The following CSMD1 variants were observed in gnomAD, a reference collection of about 807,000 sequenced individuals.
CSMD1 encodes the protein CUB and Sushi multiple domains 1, also known as CUB and sushi domain-containing protein 1.
In CSMD1, 213 loss-of-function variants were observed where a neutral mutation model predicts 417.5. The ratio of observed to expected loss-of-function variants is 0.51; its 90% CI spans 0.46 to 0.57. CSMD1 has a LOEUF of 0.57. Ranked by LOEUF, CSMD1 falls within the 20% of genes least tolerant of loss-of-function variation. CSMD1 has a pLI of 0.00. For synonymous variants in CSMD1, 2,862 were observed against 1,736.8 expected (o/e 1.65, Z -16.11); for missense variants, 6,923 against 4,529.7 (o/e 1.53, Z -15.17).
intron 5 of CSMD1, among the ~76,000 whole-genome samples, chr8:3,950,273 A>T (rs570017810): frequency 6.6e-6 from 1 of 152,324 alleles, no homozygotes; most frequent in South Asian, 2.1e-4. Flanking sequence ...ACTTAAACAC[A>T]AATTATCAAA....
intron 3 of CSMD1, among the ~76,000 whole-genome samples, chr8:4,334,934 T>A (rs538003658): frequency 6.6e-6 from 1 of 152,248 alleles, no homozygotes; most frequent in South Asian, 2.1e-4. Context: ...ACAGATGCTG[T>A]ATTTTTGCTA....
At chr8:2,965,009 ACT>A (rs757120527) in intron 59 of CSMD1, among the ~76,000 whole-genome samples, 8 of 152,144 alleles carry the variant, frequency 5.3e-5, no homozygotes, top group Non-Finnish European at 1.2e-4. Context: ...ATGTTTGGTC[ACT>A]GACAGCTTTC....
intron 3 of CSMD1, among the ~76,000 whole-genome samples, chr8:4,039,531 A>T (rs1380650194): frequency 6.6e-6 from 1 of 152,188 alleles, no homozygotes; most frequent in Non-Finnish European, 1.5e-5. Flanking sequence ...CAAAGCATTT[A>T]TGACAAAAGC....
intron 7 of CSMD1, among the ~76,000 whole-genome samples, chr8:3,676,189 C>T (rs752125079): frequency 2.6e-5 from 4 of 152,154 alleles, no homozygotes; most frequent in Admixed American, 6.6e-5. Flanking sequence ...GTCTTCTCCT[C>T]GTTTGTCCAT....
intron 3 of CSMD1, among the ~76,000 whole-genome samples, chr8:4,236,703 G>C (rs553818293): frequency 1.3e-5 from 2 of 152,186 alleles, no homozygotes; most frequent in Non-Finnish European, 2.9e-5. Flanking sequence ...CCCTTCATCT[G>C]TAAAATGGCA....
intron 2 of CSMD1, among the ~76,000 whole-genome samples, chr8:4,421,708 G>A (rs189008168): frequency 2.1e-4 from 32 of 151,634 alleles, no homozygotes; most frequent in African/African-American, 7.5e-4. Flanking sequence ...GTAATTAGTC[G>A]CACTAAAAAC....
chr8:3,290,993 C>T (rs4875525), intron 25 of CSMD1, among the ~76,000 whole-genome samples: 74,102 of 151,884 alleles, frequency 0.49, 20,233 homozygotes, highest in South Asian at 0.63. Flanking sequence ...TTTTGAGATA[C>T]GTCCCATCAA....
chr8:4,864,914 T>C (rs1802340196), intron 1 of CSMD1, among the ~76,000 whole-genome samples: 1 of 132,098 alleles, frequency 7.6e-6, no homozygotes, highest in African/African-American at 2.7e-5. Flanking sequence ...ACACACACAC[T>C]TGATATAACT....
At chr8:4,204,930 G>A (rs573470764) in intron 3 of CSMD1, among the ~76,000 whole-genome samples, 2 of 152,230 alleles carry the variant, frequency 1.3e-5, no homozygotes, top group Admixed American at 6.5e-5. Flanking sequence ...AAAGTGCTGG[G>A]ATTACAAATG....
At chr8:4,014,291 G>A (rs566812186) in intron 4 of CSMD1, among the ~76,000 whole-genome samples, 2 of 152,298 alleles carry the variant, frequency 1.3e-5, no homozygotes, top group East Asian at 1.9e-4. Context: ...TTATGGCATT[G>A]CGTGTCGAAG....
intron 3 of CSMD1, among the ~76,000 whole-genome samples, chr8:4,201,485 C>A (rs972573812): frequency 8.2e-6 from 1 of 121,572 alleles, no homozygotes; most frequent in Non-Finnish European, 1.6e-5. Context: ...TTGCAGTGAG[C>A]CGACATAGCG....
At chr8:3,430,658 G>T (rs2654479) in intron 12 of CSMD1, among the ~76,000 whole-genome samples, 132,759 of 151,992 alleles carry the variant, frequency 0.87, 58,348 homozygotes, top group Middle Eastern at 0.94. Context: ...AATACAAAAA[G>T]TAGCCAGGTG....
chr8:4,699,960 G>T (rs187492730), intron 1 of CSMD1, among the ~76,000 whole-genome samples: 14 of 152,260 alleles, frequency 9.2e-5, no homozygotes, highest in Admixed American at 9.2e-4. Context: ...AGACAGGCTT[G>T]GATTCTGTAA....
chr8:3,122,684 T>C (rs1261984750), intron 41 of CSMD1, among the ~76,000 whole-genome samples: 2 of 152,124 alleles, frequency 1.3e-5, no homozygotes, highest in Non-Finnish European at 2.9e-5. Context: ...TTTGCTTCTT[T>C]CTCATTTTCT....
intron 5 of CSMD1, among the ~76,000 whole-genome samples, chr8:3,831,463 T>A (rs952913320): frequency 4.6e-5 from 7 of 152,162 alleles, no homozygotes; most frequent in Non-Finnish European, 1.0e-4. Flanking sequence ...AGATTCCTTA[T>A]AAACATGATA....
intron 3 of CSMD1, among the ~76,000 whole-genome samples, chr8:4,124,299 A>G (rs1033735770): frequency 6.6e-6 from 1 of 152,232 alleles, no homozygotes; most frequent in African/African-American, 2.4e-5. Context: ...TTAAACAGTT[A>G]TAATTCCACA....
At chr8:3,173,779 A>T (rs1820733073) in intron 37 of CSMD1, among the ~76,000 whole-genome samples, 1 of 152,164 alleles carries the variant, frequency 6.6e-6, no homozygotes, top group South Asian at 2.1e-4. Context: ...CCAAAATTCC[A>T]ATTAAGAACT....
chr8:3,862,067 G>A (rs368671428), intron 5 of CSMD1, among the ~76,000 whole-genome samples: 10 of 152,134 alleles, frequency 6.6e-5, no homozygotes, highest in African/African-American at 2.2e-4. Flanking sequence ...TCTCTCCCAT[G>A]TGCCTTTCTT....
intron 18 of CSMD1, 49 bp downstream of exon 18, chr8:3,387,445 C>A: frequency 6.8e-7 from 1 of 1,472,700 alleles, no homozygotes; most frequent in South Asian, 1.3e-5. Context: ...GACGTGTGCG[C>A]TGTCTCTGCA....
Sources: gnomAD v4.1 joint callset for allele counts (sites outside exome capture counted in the v4.1 genomes callset) on GRCh38, gnomAD v4.1.1 for gene constraint, MANE v1.5 for transcripts, NCBI Gene and HGNC (gene_info 2026-07-23, HGNC 2026-07-21) for gene names.